Variants in DCC observed in about 807,000 individuals in gnomAD.
DCC encodes netrin receptor DCC.
Under a neutral mutation model 172.5 loss-of-function variants are expected in DCC, and 58 were observed. The observed-to-expected ratio is 0.34, with a 90% confidence interval of 0.27 to 0.42. The LOEUF is 0.42. DCC is among the 10% of genes least tolerant of loss of function. DCC has a pLI of 1.00. For synonymous variants in DCC, 709 were observed against 644.5 expected (o/e 1.10, Z -1.52); for missense variants, 1,740 against 1,791.0 (o/e 0.97, Z 0.51).
chr18:52,609,298 G>A (rs372772475), intron 1 of DCC, among the ~76,000 whole-genome samples: 3 of 152,066 alleles, frequency 2.0e-5, no homozygotes, highest in African/African-American at 7.2e-5. Flanking sequence ...TTTATCTAAG[G>A]GGGAAATTTA....
intron 1 of DCC, among the ~76,000 whole-genome samples, chr18:52,662,955 C>T (rs1392640701): frequency 7.2e-5 from 11 of 152,084 alleles, no homozygotes; most frequent in Non-Finnish European, 1.3e-4. Context: ...ATGACCCAAT[C>T]GCTCCCTAAA....
At chr18:53,012,889 A>G (rs1268725038) in intron 5 of DCC, among the ~76,000 whole-genome samples, 1 of 151,964 alleles carries the variant, frequency 6.6e-6, no homozygotes, top group Non-Finnish European at 1.5e-5. Flanking sequence ...CATGAAAAAA[A>G]TGCCCCATCA....
In DCC at chr18:52,846,021, T is replaced by C. The variant is rs577797094; in HGVS notation, c.413-60023T>C. On this transcript the variant is annotated intron_variant, in intron 2 of 28. Transcript: ENST00000442544. ...CTGGGGTTGCCTCAGTCTAATGTTC[T>C]TCCAGTTTTTTGTTTAATAGAAGCA... 2.9e-4 allele frequency among the ~76,000 whole-genome samples: 44 copies of C among 152,346 alleles called. 1 individual carries two copies. The East Asian group carries it at 8.1e-3, about 28-fold the overall frequency.
intron 2 of DCC, among the ~76,000 whole-genome samples, chr18:52,796,304 T>C (rs1056988159): frequency 2.0e-5 from 3 of 152,092 alleles, no homozygotes; most frequent in Non-Finnish European, 2.9e-5. Flanking sequence ...GTGTTTTATA[T>C]ACCATTTGTT....
intron 1 of DCC, among the ~76,000 whole-genome samples, chr18:52,514,877 A>G (rs1245559504): frequency 6.6e-6 from 1 of 152,080 alleles, no homozygotes; most frequent in South Asian, 2.1e-4. Flanking sequence ...TTGAACATGA[A>G]CTCCTCATCT....
At chr18:53,060,721 C>T (rs1184637985) in intron 5 of DCC, among the ~76,000 whole-genome samples, 1 of 152,076 alleles carries the variant, frequency 6.6e-6, no homozygotes, top group Non-Finnish European at 1.5e-5. Flanking sequence ...ACGTGATCAG[C>T]TTTGCTTTAT....
chr18:52,561,478 A>T (rs1254538943), intron 1 of DCC, among the ~76,000 whole-genome samples: 1 of 151,988 alleles, frequency 6.6e-6, no homozygotes, highest in Non-Finnish European at 1.5e-5. Flanking sequence ...ATACATATAC[A>T]CACACACATC....
chr18:53,387,550 G>C (rs1047480407), intron 16 of DCC, among the ~76,000 whole-genome samples: 3 of 152,102 alleles, frequency 2.0e-5, no homozygotes, highest in Non-Finnish European at 4.4e-5. Context: ...ACTATCAAAC[G>C]TGTTATCTCC....
At chr18:52,681,489 T>G (rs1016528677) in intron 1 of DCC, among the ~76,000 whole-genome samples, 1 of 152,196 alleles carries the variant, frequency 6.6e-6, no homozygotes, top group South Asian at 2.1e-4. Context: ...TTAGGCAAAA[T>G]TGTTCAAAAG....
chr18:52,994,610 T>C (rs2041450615), intron 5 of DCC, among the ~76,000 whole-genome samples: 1 of 152,202 alleles, frequency 6.6e-6, no homozygotes, highest in African/African-American at 2.4e-5. Flanking sequence ...CTTTACTGAC[T>C]GCAAATTAAA....
intron 15 of DCC, among the ~76,000 whole-genome samples, chr18:53,365,267 G>A (rs1030112960): frequency 3.0e-5 from 4 of 132,518 alleles, no homozygotes; most frequent in African/African-American, 1.2e-4. Flanking sequence ...ATCTTTTTAA[G>A]GCTGCATAGT....
At chr18:52,603,999 G>A (rs4547433) in intron 1 of DCC, among the ~76,000 whole-genome samples, 1 of 150,610 alleles carries the variant, frequency 6.6e-6, no homozygotes, top group Non-Finnish European at 1.5e-5. Context: ...TAGGTTTGCA[G>A]TAGTGCTTGG....
At chr18:52,622,070 TAAAAG>T (rs2034491039) in intron 1 of DCC, among the ~76,000 whole-genome samples, 2 of 152,124 alleles carry the variant, frequency 1.3e-5, no homozygotes, top group African/African-American at 4.8e-5. Flanking sequence ...TCATCGAACA[TAAAAG>T]AAAGAGGTCA....
chr18:53,489,600 G>A (rs1429229533), intron 26 of DCC, among the ~76,000 whole-genome samples: 1 of 152,124 alleles, frequency 6.6e-6, no homozygotes, highest in Non-Finnish European at 1.5e-5. Flanking sequence ...CTTTGCCAAG[G>A]TGGAAACTCT....
In DCC at chr18:53,051,990, T is replaced by C. The variant is rs12962639; in HGVS notation, c.986-11315T>C. Among the ~76,000 whole-genome samples, 1,054 of 152,206 alleles carry C rather than the reference T, an allele frequency of 6.9e-3. 2 individuals are homozygous for C. Among genetic ancestry groups the C allele is most frequent in the Middle Eastern group, 0.02 (6 of 294 alleles). ...TATTTTAATACTGCATCATCTTTCT[T>C]TGTACTCTTTTTTTTTGTACAAACT... On this transcript the variant is annotated intron_variant, in intron 5 of 28. Transcript: ENST00000442544.
At chr18:53,431,623 T>C (rs1033482734) in intron 21 of DCC, among the ~76,000 whole-genome samples, 24 of 152,046 alleles carry the variant, frequency 1.6e-4, no homozygotes, top group African/African-American at 5.6e-4. Flanking sequence ...TAGCTGGGAC[T>C]ACAGGCATGC....
chr18:52,517,455 T>A (rs1696311533), intron 1 of DCC, among the ~76,000 whole-genome samples: 1 of 152,210 alleles, frequency 6.6e-6, no homozygotes, highest in Non-Finnish European at 1.5e-5. Context: ...GCCTTCTGTA[T>A]CTTGCTTATG....
At chr18:53,412,710 G>A (rs140964024) in intron 20 of DCC, among the ~76,000 whole-genome samples, 16 of 152,194 alleles carry the variant, frequency 1.1e-4, no homozygotes, top group East Asian at 1.9e-4. Context: ...GTCCACGAAC[G>A]TCATTCCTTC....
intron 1 of DCC, among the ~76,000 whole-genome samples, chr18:52,342,352 G>T (rs181293763): frequency 6.6e-6 from 1 of 151,812 alleles, no homozygotes; most frequent in Non-Finnish European, 1.5e-5. Flanking sequence ...GCGCTTAGCC[G>T]CTGGTGCTCC....
Sources: allele counts gnomAD v4.1 joint callset (sites outside exome capture counted in the v4.1 genomes callset), GRCh38; gene constraint gnomAD v4.1.1; transcripts MANE v1.5; gene names NCBI Gene and HGNC (gene_info 2026-07-23, HGNC 2026-07-21).